SUPT3H: variants seen among roughly 807,000 people sequenced by gnomAD.
The protein encoded by SUPT3H is SPT3 homolog, SAGA and STAGA complex component, also known as transcription initiation protein SPT3 homolog.
Under a neutral mutation model 44.3 loss-of-function variants are expected in SUPT3H, and 44 were observed. The ratio of observed to expected loss-of-function variants is 0.99; its 90% CI spans 0.78 to 1.28. The LOEUF (loss-of-function observed/expected upper bound fraction) is 1.28, where lower values mean the gene tolerates loss of function less well. Among genes scored for constraint, SUPT3H ranks in the 50% most tolerant of loss-of-function variants. The pLI is 0.00. For synonymous variants in SUPT3H, 124 were observed against 125.6 expected, an observed-to-expected ratio of 0.99 and a Z score of 0.09; for missense variants, 380 against 387.1, an observed-to-expected ratio of 0.98 and a Z score of 0.15.
At chr6:45,273,269 C>A (rs1584616988) in intron 2 of SUPT3H, among the ~76,000 whole-genome samples, 1 of 152,228 alleles carries the variant, frequency 6.6e-6, no homozygotes, top group African/African-American at 2.4e-5. Flanking sequence ...TGTGGATGGT[C>A]CGCTGCTGTG....
chr6:45,156,751 A>G (rs913815724), intron 2 of SUPT3H, among the ~76,000 whole-genome samples: 2 of 151,366 alleles, frequency 1.3e-5, no homozygotes, highest in African/African-American at 4.8e-5. Flanking sequence ...TTCTCTTAAT[A>G]TATATATATA....
At chr6:45,024,348 T>G (rs1162307628) in intron 3 of SUPT3H, among the ~76,000 whole-genome samples, 1 of 152,162 alleles carries the variant, frequency 6.6e-6, no homozygotes, top group Non-Finnish European at 1.5e-5. Context: ...TCTCACTGTA[T>G]TATATTTTCA....
At chr6:44,818,997 G>T (rs1767093032) in intron 11 of SUPT3H, among the ~76,000 whole-genome samples, 1 of 152,176 alleles carries the variant, frequency 6.6e-6, no homozygotes. Flanking sequence ...GAACACGTGA[G>T]TCCACACAAA....
intron 6 of SUPT3H, among the ~76,000 whole-genome samples, chr6:44,962,289 T>C (rs1212884933): frequency 6.6e-6 from 1 of 152,152 alleles, no homozygotes; most frequent in Non-Finnish European, 1.5e-5. Context: ...ATATTTTAGA[T>C]TGCAAGAAAA....
intron 2 of SUPT3H, chr6:45,328,088 G>A (rs927324335): frequency 3.5e-5 from 11 of 310,950 alleles, no homozygotes; most frequent in African/African-American, 2.4e-4. Context: ...AAATCCTCAT[G>A]AGTCACAAAA....
chr6:45,080,806 G>A (rs916458502), intron 3 of SUPT3H, among the ~76,000 whole-genome samples: 1 of 151,908 alleles, frequency 6.6e-6, no homozygotes, highest in African/African-American at 2.4e-5. Flanking sequence ...AGGTAAAGTG[G>A]GGATGGTTAA....
intron 2 of SUPT3H, among the ~76,000 whole-genome samples, chr6:45,253,870 T>TATATATATATATATATATATATAC (rs1438133089): frequency 2.1e-5 from 3 of 140,668 alleles, no homozygotes; most frequent in African/African-American, 5.2e-5. Flanking sequence ...TATATATATA[T>TATATATATATATATATATATATAC]ATACACACAC....
At chr6:45,132,387 T>C (rs955862209) in intron 2 of SUPT3H, among the ~76,000 whole-genome samples, 6 of 152,194 alleles carry the variant, frequency 3.9e-5, no homozygotes, top group African/African-American at 1.4e-4. Context: ...AAGATTACTT[T>C]AAACCTACTT....
intron 6 of SUPT3H, among the ~76,000 whole-genome samples, chr6:44,965,629 A>T (rs1776672643): frequency 6.6e-6 from 1 of 152,058 alleles, no homozygotes; most frequent in Non-Finnish European, 1.5e-5. Flanking sequence ...CCAATGATGA[A>T]GATGATTTGG....
intron 2 of SUPT3H, among the ~76,000 whole-genome samples, chr6:45,136,309 T>C (rs990324162): frequency 2.0e-5 from 3 of 152,010 alleles, no homozygotes; most frequent in Non-Finnish European, 2.9e-5. Flanking sequence ...GTCTAGACAA[T>C]TACCAAACAC....
intron 10 of SUPT3H, among the ~76,000 whole-genome samples, chr6:44,886,192 T>C (rs1361492508): frequency 6.6e-6 from 1 of 152,172 alleles, no homozygotes; most frequent in African/African-American, 2.4e-5. Flanking sequence ...GAAAACACTC[T>C]GCAGGATATT....
chr6:44,914,498 T>G (rs1366499538), intron 10 of SUPT3H, among the ~76,000 whole-genome samples: 1 of 152,204 alleles, frequency 6.6e-6, no homozygotes, highest in Non-Finnish European at 1.5e-5. Flanking sequence ...AGCTTGGGCA[T>G]TATTTTGCCT....
At chr6:44,886,482 A>G (rs1046549940) in intron 10 of SUPT3H, among the ~76,000 whole-genome samples, 3 of 152,202 alleles carry the variant, frequency 2.0e-5, no homozygotes. Flanking sequence ...TAAAGAAAAG[A>G]ACTTTCAACC....
At chr6:44,997,885 A>G (rs1334395417) in intron 6 of SUPT3H, among the ~76,000 whole-genome samples, 1 of 151,914 alleles carries the variant, frequency 6.6e-6, no homozygotes, top group Non-Finnish European at 1.5e-5. Context: ...ATTACCAATT[A>G]AAACTATCAT....
intron 10 of SUPT3H, among the ~76,000 whole-genome samples, chr6:44,888,611 T>G (rs142068126): frequency 4.7e-4 from 71 of 152,304 alleles, no homozygotes; most frequent in African/African-American, 1.7e-3. Flanking sequence ...TGATGGGACC[T>G]ATCACAAAAT....
At chr6:45,248,454 T>C (rs1771762751) in intron 2 of SUPT3H, among the ~76,000 whole-genome samples, 1 of 152,112 alleles carries the variant, frequency 6.6e-6, no homozygotes, top group African/African-American at 2.4e-5. Context: ...AGCAGATACT[T>C]CACCAAGGAA....
intron 2 of SUPT3H, among the ~76,000 whole-genome samples, chr6:45,254,494 T>TAC (rs1773003931): frequency 6.6e-6 from 1 of 152,146 alleles, no homozygotes; most frequent in Admixed American, 6.5e-5. Context: ...CACATTAGTA[T>TAC]ACAGAAAGGT....
At chr6:44,927,584 C>T (rs1769711235) in intron 10 of SUPT3H, among the ~76,000 whole-genome samples, 1 of 151,980 alleles carries the variant, frequency 6.6e-6, no homozygotes, top group Admixed American at 6.6e-5. Context: ...TTCCACAGAG[C>T]TAGTATGCAA....
intron 2 of SUPT3H, among the ~76,000 whole-genome samples, chr6:45,179,543 C>A (rs1487767686): frequency 6.6e-6 from 1 of 152,148 alleles, no homozygotes; most frequent in South Asian, 2.1e-4. Context: ...ATCAAGTGGG[C>A]TTCATCCCTG....
Sources: allele counts gnomAD v4.1 joint callset (sites outside exome capture counted in the v4.1 genomes callset), GRCh38; gene constraint gnomAD v4.1.1; transcripts MANE v1.5; gene names NCBI Gene and HGNC (gene_info 2026-07-23, HGNC 2026-07-21).